Variants in RAVER2 observed in about 807,000 individuals in gnomAD.
The protein encoded by RAVER2 is ribonucleoprotein PTB-binding 2.
In RAVER2, 46 loss-of-function variants were observed where a neutral mutation model predicts 78.1. That is an observed-to-expected ratio of 0.59 (90% CI 0.46 to 0.75). The LOEUF (loss-of-function observed/expected upper bound fraction) is 0.75, where lower values mean the gene tolerates loss of function less well. Ranked by LOEUF, RAVER2 falls within the 30% of genes least tolerant of loss-of-function variation. The pLI is 0.00. For missense variants in RAVER2, 793 were observed against 837.5 expected (o/e 0.95, Z 0.66); for synonymous variants, 311 against 313.3 (o/e 0.99, Z 0.08).
intron 1 of RAVER2, among the ~76,000 whole-genome samples, chr1:64,762,112 A>G (rs1383225292): frequency 6.6e-6 from 1 of 152,240 alleles, no homozygotes; most frequent in Non-Finnish European, 1.5e-5. Flanking sequence ...TATAAATGAT[A>G]TTTCTGTATA....
intron 1 of RAVER2, among the ~76,000 whole-genome samples, chr1:64,749,200 T>A (rs1184558907): frequency 6.6e-6 from 1 of 151,824 alleles, no homozygotes; most frequent in East Asian, 1.9e-4. Flanking sequence ...AGTCTTGCAT[T>A]GGATTTTTTG....
chr1:64,762,958 A>G (rs1652061508), intron 1 of RAVER2, among the ~76,000 whole-genome samples: 1 of 152,240 alleles, frequency 6.6e-6, no homozygotes, highest in African/African-American at 2.4e-5. Context: ...CACAGGCTAG[A>G]TGAGGATATT....
chr1:64,795,879 A>G (rs929696567), intron 5 of RAVER2, among the ~76,000 whole-genome samples: 1 of 151,996 alleles, frequency 6.6e-6, no homozygotes, highest in Non-Finnish European at 1.5e-5. Context: ...TTCTGATCTC[A>G]TGGAGAAAGT....
intron 1 of RAVER2, among the ~76,000 whole-genome samples, chr1:64,767,800 TA>T (rs1445998089): frequency 6.6e-6 from 1 of 152,040 alleles, no homozygotes; most frequent in Non-Finnish European, 1.5e-5. Context: ...AAGTAGTATA[TA>T]AATATGTAAA....
chr1:64,780,260 T>C (rs1402518962), intron 3 of RAVER2, among the ~76,000 whole-genome samples: 1 of 152,176 alleles, frequency 6.6e-6, no homozygotes, highest in African/African-American at 2.4e-5. Context: ...TTTACAAACC[T>C]GATTTTAAGA....
intron 4 of RAVER2, among the ~76,000 whole-genome samples, chr1:64,787,142 C>T (rs941509427): frequency 2.0e-5 from 3 of 152,120 alleles, no homozygotes; most frequent in Non-Finnish European, 4.4e-5. Flanking sequence ...TTTGTAATGT[C>T]TATTACATTT....
At chr1:64,795,426 C>T (rs966866672) in intron 5 of RAVER2, among the ~76,000 whole-genome samples, 4 of 152,056 alleles carry the variant, frequency 2.6e-5, no homozygotes, top group African/African-American at 7.2e-5. Flanking sequence ...AATTCTGAGG[C>T]TTCTGATCCA....
chr1:64,816,060 C>G (rs2100891489), intron 11 of RAVER2: 1 of 152,208 alleles, frequency 6.6e-6, no homozygotes, highest in East Asian at 1.9e-4. Context: ...TTTCAAGAAA[C>G]AAACTTTTTA....
intron 5 of RAVER2, among the ~76,000 whole-genome samples, chr1:64,792,158 T>A (rs1255546426): frequency 6.6e-6 from 1 of 152,184 alleles, no homozygotes; most frequent in Non-Finnish European, 1.5e-5. Flanking sequence ...TTTTTATACA[T>A]CTTATATCTC....
intron 1 of RAVER2, among the ~76,000 whole-genome samples, chr1:64,750,092 T>C (rs1172046492): frequency 1.3e-5 from 2 of 152,302 alleles, no homozygotes; most frequent in African/African-American, 4.8e-5. Context: ...AACATTCTAT[T>C]GTCACTTTGG....
chr1:64,822,054 A>G (rs1181846857), intron 11 of RAVER2, among the ~76,000 whole-genome samples: 1 of 152,170 alleles, frequency 6.6e-6, no homozygotes, highest in Non-Finnish European at 1.5e-5. Context: ...TTGGGAGGCC[A>G]TGGCGGGCGG....
chr1:64,829,370 GA>G (rs1654072382), intron 11 of RAVER2, among the ~76,000 whole-genome samples: 1 of 152,178 alleles, frequency 6.6e-6, no homozygotes, highest in African/African-American at 2.4e-5. Flanking sequence ...CTAAGAGGAG[GA>G]AAGCTGCTAA....
chr1:64,759,776 A>C (rs922414117), intron 1 of RAVER2, among the ~76,000 whole-genome samples: 1 of 152,126 alleles, frequency 6.6e-6, no homozygotes, highest in South Asian at 2.1e-4. Flanking sequence ...TTGGCCTCGC[A>C]AAGTGCAGGG....
At chr1:64,776,019 CAAA>C (rs34578439) in intron 2 of RAVER2, among the ~76,000 whole-genome samples, 10 of 87,456 alleles carry the variant, frequency 1.1e-4, no homozygotes, top group Admixed American at 1.3e-4. Flanking sequence ...ACTCTTGTCT[CAAA>C]AAAAAAAAAA....
At chr1:64,798,808 A>T (rs1653175555) in intron 5 of RAVER2, among the ~76,000 whole-genome samples, 1 of 152,192 alleles carries the variant, frequency 6.6e-6, no homozygotes, top group Non-Finnish European at 1.5e-5. Flanking sequence ...TTTAATTGAC[A>T]TGTAATAATT....
intron 5 of RAVER2, among the ~76,000 whole-genome samples, chr1:64,790,813 T>G (rs1652917992): frequency 6.6e-6 from 1 of 152,148 alleles, no homozygotes; most frequent in Non-Finnish European, 1.5e-5. Context: ...TTTATTATGT[T>G]TCAGTCCCAA....
At chr1:64,747,428 A>G (rs1291011613) in intron 1 of RAVER2, among the ~76,000 whole-genome samples, 5 of 152,160 alleles carry the variant, frequency 3.3e-5, no homozygotes, top group African/African-American at 9.7e-5. Context: ...CTTTTGTTCA[A>G]TTATTAAGTA....
At chr1:64,755,287 C>T (rs1651820495) in intron 1 of RAVER2, among the ~76,000 whole-genome samples, 1 of 152,140 alleles carries the variant, frequency 6.6e-6, no homozygotes, top group Non-Finnish European at 1.5e-5. Context: ...AGCCCCTAAA[C>T]TTGTCTTCTA....
intron 5 of RAVER2, among the ~76,000 whole-genome samples, chr1:64,802,131 G>T (rs1307025210): frequency 6.6e-6 from 1 of 152,186 alleles, no homozygotes; most frequent in African/African-American, 2.4e-5. Flanking sequence ...TAGCAATGAG[G>T]ACGGCCAGAG....
Sources: allele counts gnomAD v4.1 joint callset (sites outside exome capture counted in the v4.1 genomes callset), GRCh38; gene constraint gnomAD v4.1.1; transcripts MANE v1.5; gene names NCBI Gene and HGNC (gene_info 2026-07-23, HGNC 2026-07-21).